CHEK2: variants seen among roughly 807,000 people sequenced by gnomAD.
CHEK2 encodes serine/threonine-protein kinase Chk2.
Under a neutral mutation model 69.1 loss-of-function variants are expected in CHEK2, and 71 were observed. The ratio of observed to expected loss-of-function variants is 1.03; its 90% CI spans 0.85 to 1.25. The LOEUF is 1.25. Ranked by LOEUF, CHEK2 falls within the 50% of genes most tolerant of loss-of-function variation. CHEK2 has a pLI of 0.00. For missense variants in CHEK2, 664 were observed against 649.6 expected, an observed-to-expected ratio of 1.02 and a Z score of -0.24; for synonymous variants, 189 against 226.9, an observed-to-expected ratio of 0.83 and a Z score of 1.50.
intron 4 of CHEK2, among the ~76,000 whole-genome samples, chr22:28,724,040 A>G (rs569219437): frequency 6.6e-6 from 1 of 152,364 alleles, no homozygotes; most frequent in South Asian, 2.1e-4. Flanking sequence ...CAATTCATAG[A>G]TATCTAAGAC....
Position 28,724,974 on chromosome 22 carries a change from T to A in CHEK2, c.592+3A>T, listed in dbSNP as rs587782849. 1.5e-5 allele frequency: 24 copies of A among 1,613,866 alleles called. No homozygotes were observed. Among genetic ancestry groups the A allele is most frequent in the Middle Eastern group, 3.3e-4 (2 of 6,084 alleles). On this transcript the variant is annotated splice_donor_region_variant and intron_variant, in intron 4 of 14. Transcript: ENST00000404276. ...TCCAGTAACCATAAGATAATAATAT[T>A]ACCTTTATTTCTGCTTAGTGACAGT...
chr22:28,708,402 T>TGTGTGTGTGTGTGTGTG (rs1569135425), intron 7 of CHEK2, among the ~76,000 whole-genome samples: 3 of 146,848 alleles, frequency 2.0e-5, no homozygotes, highest in Non-Finnish European at 4.5e-5. Flanking sequence ...TGTGTGTGTG[T>TGTGTGTGTGTGTGTGTG]TAAAGAGAGA....
At chr22:28,707,305 G>T (rs139493933) in intron 7 of CHEK2, among the ~76,000 whole-genome samples, 1 of 152,154 alleles carries the variant, frequency 6.6e-6, no homozygotes, top group Non-Finnish European at 1.5e-5. Context: ...TTAGGAGTAC[G>T]TCTCATTAAA....
intron 2 of CHEK2, among the ~76,000 whole-genome samples, chr22:28,729,672 A>G (rs2146104332): frequency 6.6e-6 from 1 of 152,212 alleles, no homozygotes; most frequent in Non-Finnish European, 1.5e-5. Flanking sequence ...AATTTTGGCA[A>G]AATGCAACAC....
Position 28,727,263 on chromosome 22 carries a change from G to C in CHEK2, c.320-1896C>G, listed in dbSNP as rs948519554. Among the ~76,000 whole-genome samples the C allele has an allele frequency of 2.6e-5, 4 of 152,074 alleles. No individual in the cohort carries two copies. In the East Asian group the frequency reaches 7.7e-4, roughly 29 times the overall value. ...TCGCCATGTTAGACAGGATGGTCTC[G>C]ATCTCCTGAACTTGTGATCCGCCCG... On this transcript the variant is annotated intron_variant, in intron 2 of 14. Coordinates refer to ENST00000404276, the MANE Select transcript of CHEK2 (RefSeq NM_007194.4).
chr22:28,708,952 CAAAAAAAA>C, intron 7 of CHEK2: 4 of 328,426 alleles, frequency 1.2e-5, no homozygotes, highest in Non-Finnish European at 1.7e-5. Context: ...GCCTCCGTCT[CAAAAAAAA>C]AAAAAAAAAA....
intron 1 of CHEK2, 93 bp from the exon 2 acceptor site, chr22:28,734,820 G>GAAAA: frequency 1.4e-6 from 1 of 710,346 alleles, no homozygotes; most frequent in Admixed American, 3.6e-5. Flanking sequence ...AACAGCAAAA[G>GAAAA]AAAAGAAAAA....
At position 28,711,977 on chromosome 22, in the gene CHEK2, T is replaced by G. The variant is rs752647314; in HGVS notation, c.724A>C (p.Thr242Pro). ...ATCTTTATGGCTACTTTCTTACATG[T>G]TTTCCTCTCGAAAGCCAGCTTTACC... ...GEVKLAFERK[T>P]CKKVAIKIIS... The change falls in exon 6 of 15, where the codon ACA (threonine) becomes CCA (proline). Residue 242 changes from threonine to proline, a missense_variant. Thr to Pro is a conservative substitution (Grantham distance 38). Transcript: ENST00000404276. The G allele has an allele frequency of 6.2e-7, 1 of 1,613,998 alleles. No individual in the cohort carries two copies. The highest frequency in any genetic ancestry group is 8.5e-7 in the Non-Finnish European group (1 of 1,179,954).
chr22:28,696,636 G>A (rs2052595339), intron 10 of CHEK2, among the ~76,000 whole-genome samples: 2 of 152,104 alleles, frequency 1.3e-5, no homozygotes, highest in Admixed American at 1.3e-4. Flanking sequence ...TGGGATTACA[G>A]GTGTGAGCCA....
intron 1 of CHEK2, 110 bp from the exon 2 acceptor site, chr22:28,734,837 A>C: frequency 1.1e-6 from 1 of 875,502 alleles, no homozygotes; most frequent in Non-Finnish European, 1.8e-6. Context: ...AAAAAAAAAA[A>C]ACAGGGCAAA....
chr22:28,740,051 CT>C (rs2054511742), intron 1 of CHEK2, among the ~76,000 whole-genome samples: 1 of 151,408 alleles, frequency 6.6e-6, no homozygotes, highest in Non-Finnish European at 1.5e-5. Flanking sequence ...AAATACGAAA[CT>C]TAGCTGGGCA....
chr22:28,692,704 C>G (rs1047676992), intron 13 of CHEK2, among the ~76,000 whole-genome samples: 1 of 152,196 alleles, frequency 6.6e-6, no homozygotes, highest in Non-Finnish European at 1.5e-5. Flanking sequence ...TTCTGTCCCC[C>G]ATCTCCACAG....
At chr22:28,701,617 ATT>A (rs2052851139) in intron 8 of CHEK2, among the ~76,000 whole-genome samples, 1 of 152,214 alleles carries the variant, frequency 6.6e-6, no homozygotes. Context: ...AACACTTAAT[ATT>A]TATGCAGGAG....
intron 5 of CHEK2, 111 bp from the exon 6 acceptor site, chr22:28,712,128 T>A: frequency 3.6e-5 from 29 of 800,570 alleles, no homozygotes; most frequent in Non-Finnish European, 5.2e-5. Context: ...TATAACAGCC[T>A]TTCCATTGTC....
At chr22:28,741,148 CAA>C (rs71194792) in intron 1 of CHEK2, among the ~76,000 whole-genome samples, 57 of 51,152 alleles carry the variant, frequency 1.1e-3, no homozygotes, top group African/African-American at 3.4e-3. Context: ...GACTCCGTCT[CAA>C]AAAAAAAAAA....
chr22:28,710,728 AT>A (rs1354000820), intron 6 of CHEK2, among the ~76,000 whole-genome samples: 1 of 152,200 alleles, frequency 6.6e-6, no homozygotes, highest in Admixed American at 6.5e-5. Context: ...AGAATTACAT[AT>A]TTATGTAAAA....
At chr22:28,689,354 C>T (rs17883429) in intron 13 of CHEK2, 139 bp from the exon 14 acceptor site, 94 of 742,602 alleles carry the variant, frequency 1.3e-4, no homozygotes, top group Middle Eastern at 3.8e-4. Context: ...GCTCCCACAG[C>T]GAAGGCATTA....
At chr22:28,727,690 G>A (rs1445059792) in intron 2 of CHEK2, among the ~76,000 whole-genome samples, 1 of 152,134 alleles carries the variant, frequency 6.6e-6, no homozygotes, top group Non-Finnish European at 1.5e-5. Flanking sequence ...AGAAAAATAG[G>A]TAAAGGATAT....
Position 28,725,093 on chromosome 22 carries a change from T to C in CHEK2, c.476A>G (p.Tyr159Cys), listed in dbSNP as rs1060502718. Reference sequence around the variant, plus strand: ...TCCATTGCCACTGTGATCTTCTATGTATGCAATGTAAGAGTTTTTAGGACC... The same window carrying C: ...TCCATTGCCACTGTGATCTTCTATGCATGCAATGTAAGAGTTTTTAGGACC... The part of the protein sequence containing the change: ...EVGPKNSYIA[Y>C]IEDHSGNGTF... The change falls in exon 4 of 15, where the codon TAC becomes TGC. Residue 159 changes from tyrosine (Y) to cysteine (C), a missense_variant. Tyr to Cys is a radical substitution (Grantham distance 194). Transcript: ENST00000404276. 3 of 1,614,148 alleles carry C rather than the reference T, an allele frequency of 1.9e-6. No individual in the cohort carries two copies. Among genetic ancestry groups the C allele is most frequent in the Admixed American group, 1.7e-5 (1 of 60,006 alleles).
Sources: allele counts gnomAD v4.1 joint callset (sites outside exome capture counted in the v4.1 genomes callset), GRCh38; gene constraint gnomAD v4.1.1; transcripts MANE v1.5; gene names NCBI Gene and HGNC (gene_info 2026-07-23, HGNC 2026-07-21).